Variants in TMCO4 observed in about 807,000 individuals in gnomAD.
TMCO4 encodes transmembrane and coiled-coil domains 4.
In TMCO4, 58 loss-of-function variants were observed where a neutral mutation model predicts 64.7. The ratio of observed to expected loss-of-function variants is 0.90; its 90% CI spans 0.73 to 1.12. The LOEUF (loss-of-function observed/expected upper bound fraction) is 1.12, where lower values mean the gene tolerates loss of function less well. Ranked by LOEUF, TMCO4 falls within the 50% of genes most tolerant of loss-of-function variation. The pLI, the probability that TMCO4 is intolerant of heterozygous loss-of-function variation, is 0.00. For missense variants in TMCO4, 780 were observed against 825.9 expected, an observed-to-expected ratio of 0.94 and a Z score of 0.68; for synonymous variants, 325 against 346.1, an observed-to-expected ratio of 0.94 and a Z score of 0.68.
At chr1:19,773,720 T>C (rs2043086750) in intron 4 of TMCO4, among the ~76,000 whole-genome samples, 1 of 152,096 alleles carries the variant, frequency 6.6e-6, no homozygotes, top group Non-Finnish European at 1.5e-5. Flanking sequence ...ACCAACTTCA[T>C]AAGGTTGGTT....
Position 19,743,028 on chromosome 1 carries a change from G to C in TMCO4, c.878-2087C>G, listed in dbSNP as rs1430279476. On this transcript the variant is annotated intron_variant, in intron 10 of 15. Coordinates refer to ENST00000294543, the MANE Select transcript of TMCO4 (RefSeq NM_181719.7). The surrounding 1 kb of genome is among the most constrained non-coding windows in gnomAD (Gnocchi z 4.1). ...TCGCGCCACTGCACTCCAGCCTGGT[G>C]ATACAGCAAGACTCCGTCTCCAAAA... Among the ~76,000 whole-genome samples the C allele has an allele frequency of 6.6e-6, 1 of 151,868 alleles. No individual in the cohort carries two copies. Among genetic ancestry groups the C allele is most frequent in the Admixed American group, 6.6e-5 (1 of 15,232 alleles).
chr1:19,694,366 G>C, intron 15 of TMCO4, 68 bp downstream of exon 15: 2 of 1,402,232 alleles, frequency 1.4e-6, no homozygotes, highest in South Asian at 1.2e-5. Flanking sequence ...GTCTCCAGGG[G>C]ACAGGGGTGG....
intron 3 of TMCO4, among the ~76,000 whole-genome samples, chr1:19,784,595 T>C (rs1204537969): frequency 6.6e-6 from 1 of 152,072 alleles, no homozygotes; most frequent in Non-Finnish European, 1.5e-5. Context: ...TTCAACACAA[T>C]TTCTCCTGAT....
chr1:19,717,001 A>T (rs2095359876), intron 13 of TMCO4, among the ~76,000 whole-genome samples: 2 of 152,164 alleles, frequency 1.3e-5, no homozygotes, highest in Admixed American at 1.3e-4. Context: ...AGCCTGGCCA[A>T]CATGGTGAAA....
At chr1:19,775,582 C>T (rs2043171358) in intron 4 of TMCO4, among the ~76,000 whole-genome samples, 1 of 152,238 alleles carries the variant, frequency 6.6e-6, no homozygotes, top group Non-Finnish European at 1.5e-5. Context: ...CATTATTTCA[C>T]CTACTGTCTG....
intron 13 of TMCO4, among the ~76,000 whole-genome samples, chr1:19,709,736 T>G (rs970019325): frequency 1.3e-5 from 2 of 151,976 alleles, no homozygotes; most frequent in Non-Finnish European, 2.9e-5. Flanking sequence ...GTTTTTTTTT[T>G]GTATAAAAAC....
In TMCO4 at chr1:19,743,442, T is replaced by G. The variant is rs180968073; in HGVS notation, c.877+2090A>C. Among the ~76,000 whole-genome samples the G allele has an allele frequency of 2.2e-3, 333 of 152,358 alleles. No individual in the cohort carries two copies. The highest frequency in any genetic ancestry group is 7.6e-3 in the African/African-American group (316 of 41,584). ...CAGGTGATGATAAGGCTTCTTTTCC[T>G]GGCTCTCGAGGAGGTAGGAATATGT... On this transcript the variant is annotated intron_variant, in intron 10 of 15. Transcript: ENST00000294543. The surrounding 1 kb of genome is among the most constrained non-coding windows in gnomAD (Gnocchi z 4.1).
rs201265431 is a variant in TMCO4 at position 19,755,753 on chromosome 1, G to A, written c.396C>T (p.Ala132=). 1.9e-6 allele frequency: 3 copies of A among 1,614,076 alleles called. No individual in the cohort carries two copies. The highest frequency in any genetic ancestry group is 1.1e-5 in the South Asian group (1 of 91,072). ...SFSLKDGHYD[A]RARVLVCHMT... is the part of the protein sequence containing the mutation. The stretch of plus-strand genomic sequence containing the variant: ...TGTGGCAAACGAGGACTCTGGCCCG[G>A]GCGTCATAGTGCCCTCGAAAGACAG... The change falls in exon 7 of 16, where the codon GCC becomes GCT. Residue 132 remains alanine (A), a synonymous_variant. Transcript: ENST00000294543.
At chr1:19,765,170 T>C (rs2100993038) in intron 6 of TMCO4, among the ~76,000 whole-genome samples, 1 of 152,316 alleles carries the variant, frequency 6.6e-6, no homozygotes, top group Non-Finnish European at 1.5e-5. Flanking sequence ...TGAGATTCAC[T>C]TGGCCTTAAA....
chr1:19,767,838 T>G (rs1229139432), intron 6 of TMCO4, among the ~76,000 whole-genome samples: 1 of 152,086 alleles, frequency 6.6e-6, no homozygotes, highest in East Asian at 1.9e-4. Flanking sequence ...ATGCCTGTAA[T>G]CTCAACACTT....
chr1:19,749,007 C>T (rs2041914997), intron 7 of TMCO4, among the ~76,000 whole-genome samples: 1 of 152,172 alleles, frequency 6.6e-6, no homozygotes, highest in Admixed American at 6.5e-5. Flanking sequence ...CACTTCATTA[C>T]ACAGAAGCAG....
At position 19,732,401 on chromosome 1, in the gene TMCO4, A is replaced by G. The variant is rs558997798; in HGVS notation, c.1264+4971T>C. Among the ~76,000 whole-genome samples the G allele has an allele frequency of 6.6e-6, 1 of 152,234 alleles. No individual in the cohort carries two copies. Among genetic ancestry groups the G allele is most frequent in the East Asian group, 1.9e-4 (1 of 5,142 alleles). On this transcript the variant is annotated intron_variant, in intron 13 of 15. Transcript: ENST00000294543. The surrounding 1 kb of genome is among the most constrained non-coding windows in gnomAD (Gnocchi z 4.8). ...GGCTGGTCTTGAACTCCTGGGCTCA[A>G]GCAATCCTCCCACCTCAGCCTCCCA... is the stretch of plus-strand genomic sequence containing the variant.
intron 4 of TMCO4, among the ~76,000 whole-genome samples, chr1:19,779,805 A>T (rs1023666935): frequency 1.3e-5 from 2 of 152,182 alleles, no homozygotes; most frequent in African/African-American, 4.8e-5. Context: ...TTAATATCTT[A>T]TCCGTTCCTG....
intron 13 of TMCO4, among the ~76,000 whole-genome samples, chr1:19,703,918 T>A (rs1264803170): frequency 1.3e-5 from 2 of 152,206 alleles, no homozygotes; most frequent in Admixed American, 6.5e-5. Flanking sequence ...CTGGGAAATG[T>A]TCCCGGCTGG....
chr1:19,796,512 A>T (rs74058664), intron 2 of TMCO4, among the ~76,000 whole-genome samples: 6,145 of 152,000 alleles, frequency 0.04, 257 homozygotes, highest in African/African-American at 0.11. Flanking sequence ...CGTTATTCAT[A>T]CCAGTGTAAG....
At chr1:19,761,488 CTCAGAGA>C (rs760395618) in intron 6 of TMCO4, among the ~76,000 whole-genome samples, 6 of 152,222 alleles carry the variant, frequency 3.9e-5, no homozygotes, top group Non-Finnish European at 8.8e-5. Flanking sequence ...TCCTTTCCAG[CTCAGAGA>C]TCTGAGGGTC....
intron 15 of TMCO4, among the ~76,000 whole-genome samples, chr1:19,693,387 G>A (rs1225773157): frequency 6.6e-6 from 1 of 152,074 alleles, no homozygotes; most frequent in African/African-American, 2.4e-5. Context: ...GGACACTGAG[G>A]CAGGAGAATG....
At chr1:19,755,205 A>G (rs931489839) in intron 7 of TMCO4, among the ~76,000 whole-genome samples, 5 of 152,180 alleles carry the variant, frequency 3.3e-5, no homozygotes, top group African/African-American at 1.2e-4. Context: ...GGCTCACTGC[A>G]ACCTCCACCT....
chr1:19,702,448 T>G (rs2095279346), intron 13 of TMCO4, among the ~76,000 whole-genome samples: 1 of 151,864 alleles, frequency 6.6e-6, no homozygotes, highest in Admixed American at 6.6e-5. Context: ...AAAAATTAGC[T>G]GGGTGTGGTG....
Sources: gnomAD v4.1 joint callset for allele counts (sites outside exome capture counted in the v4.1 genomes callset) on GRCh38, gnomAD v4.1.1 for gene constraint, Gnocchi (gnomAD v3.1) non-coding constraint, MANE v1.5 for transcripts, NCBI Gene and HGNC (gene_info 2026-07-23, HGNC 2026-07-21) for gene names.